The following MYO5A variants were observed in gnomAD, a reference collection of about 807,000 sequenced individuals.
MYO5A encodes myosin VA, also known as unconventional myosin-Va.
MYO5A carries 98 observed loss-of-function variants against 249.7 expected under a neutral mutation model. That is an observed-to-expected ratio of 0.39 (90% CI 0.33 to 0.46). The LOEUF (loss-of-function observed/expected upper bound fraction) is 0.46, where lower values mean the gene tolerates loss of function less well. Ranked by LOEUF, MYO5A falls within the 20% of genes least tolerant of loss-of-function variation. The pLI, the probability that MYO5A is intolerant of heterozygous loss-of-function variation, is 0.98. For missense variants in MYO5A, 1,696 were observed against 2,308.8 expected, an observed-to-expected ratio of 0.73 and a Z score of 5.44; for synonymous variants, 778 against 810.6, an observed-to-expected ratio of 0.96 and a Z score of 0.68.
At chr15:52,354,441 C>A (rs796541207) in intron 25 of MYO5A, among the ~76,000 whole-genome samples, 4 of 152,310 alleles carry the variant, frequency 2.6e-5, no homozygotes, top group African/African-American at 9.6e-5. Flanking sequence ...AAAAGATGTT[C>A]ATTGAAGCAT....
intron 1 of MYO5A, among the ~76,000 whole-genome samples, chr15:52,517,452 A>C (rs1257129772): frequency 6.6e-6 from 1 of 152,180 alleles, no homozygotes; most frequent in African/African-American, 2.4e-5. Flanking sequence ...TGGGAATCTG[A>C]GGTGGGCAGA....
At chr15:52,364,222 G>C (rs1458378737) in intron 24 of MYO5A, among the ~76,000 whole-genome samples, 1 of 151,716 alleles carries the variant, frequency 6.6e-6, no homozygotes, top group Non-Finnish European at 1.5e-5. Context: ...TGGTGACACA[G>C]GGAGACTCCA....
In MYO5A at chr15:52,375,331, G is replaced by A; in HGVS notation, c.2550C>T (p.Gly850=). The A allele has an allele frequency of 1.2e-6, 2 of 1,614,104 alleles. No individual in the cohort carries two copies. Among genetic ancestry groups the A allele is most frequent in the Non-Finnish European group, 1.7e-6 (2 of 1,179,990 alleles). The part of the protein sequence containing the change: ...ATIVLQSYLR[G]FLARNRYRKI... Reference sequence around the variant, plus strand: ...TGCGATACCTATTTCTGGCCAAGAAGCCTCGCAAGTAAGACTGAAGAACGA... The same window carrying A: ...TGCGATACCTATTTCTGGCCAAGAAACCTCGCAAGTAAGACTGAAGAACGA... The change falls in exon 20 of 42, where the codon GGC becomes GGT. Residue 850 remains glycine (G), a synonymous_variant. Transcript: ENST00000399233.
intron 25 of MYO5A, among the ~76,000 whole-genome samples, chr15:52,356,426 GAAT>G (rs1174756092): frequency 7.2e-5 from 11 of 151,966 alleles, no homozygotes; most frequent in African/African-American, 2.7e-4. Flanking sequence ...TAAAGAATTA[GAAT>G]AATAATGTCA....
chr15:52,367,106 C>T lies in MYO5A; in HGVS notation c.3085G>A (p.Glu1029Lys). 6.2e-7 allele frequency: 1 copy of T among 1,613,528 alleles called. No homozygotes were observed. The highest frequency in any genetic ancestry group is 8.5e-7 in the Non-Finnish European group (1 of 1,179,650). ...TCTTGCTTCAGCAAAGTATTTTCTTCCTTCAGATTTGATACCAGCTACGAA... is the reference window on the plus strand; with the variant it reads ...TCTTGCTTCAGCAAAGTATTTTCTTTCTTCAGATTTGATACCAGCTACGAA... Reference protein sequence around the residue: ...ETEQLVSNLKEENTLLKQEKE... With the variant: ...ETEQLVSNLKKENTLLKQEKE... The change falls in exon 23 of 42, where the codon GAA becomes AAA. Residue 1029 changes from glutamate (E) to lysine (K), a missense_variant. Glu to Lys is a moderately conservative substitution (Grantham distance 56). This residue lies in a region of MYO5A where 412 missense variants were observed against 453.3 expected (regional missense o/e 0.91). Coordinates refer to ENST00000399233, the MANE Select transcript of MYO5A (RefSeq NM_001382347.1).
At chr15:52,327,728 A>C in intron 36 of MYO5A, 124 bp downstream of exon 36, 1 of 1,043,434 alleles carries the variant, frequency 9.6e-7, no homozygotes, top group Non-Finnish European at 1.5e-6. Context: ...TAGGTAAGTA[A>C]ATAAAAATTG....
Position 52,404,267 on chromosome 15 carries a change from CAAAAAAAA to C in MYO5A, c.1053+1012_1053+1019del, listed in dbSNP as rs61505096. Among the ~76,000 whole-genome samples, 7 of 87,570 alleles carry C rather than the reference CAAAAAAAA, an allele frequency of 8.0e-5. No individual in the cohort carries two copies. The South Asian group carries it at 1.6e-3, about 20-fold the overall frequency. The allele number at this position is 87,570 out of a possible 152,430, so 57.4% of individuals were successfully genotyped here. On this transcript the variant is annotated intron_variant, in intron 9 of 41. Coordinates refer to ENST00000399233, the MANE Select transcript of MYO5A (RefSeq NM_001382347.1). ...GGGCGACAAGAGTGAAACTCCGTCTCAAAAAAAAAAAAAAAAAAAAAAAGTTATGGAAC... is the reference window on the plus strand; with the variant it reads ...GGGCGACAAGAGTGAAACTCCGTCTCAAAAAAAAAAAAAAAGTTATGGAAC...
At chr15:52,338,224 CTTTT>C (rs561714948) in intron 32 of MYO5A, among the ~76,000 whole-genome samples, 6 of 128,776 alleles carry the variant, frequency 4.7e-5, no homozygotes, top group African/African-American at 8.5e-5. Context: ...ACTTGCTGCA[CTTTT>C]TTTTTTTTTT....
rs767765017 is a variant in MYO5A, at chr15:52,379,887, C to T, written c.2034G>A (p.Val678=). 3 of 1,614,092 alleles carry T rather than the reference C, an allele frequency of 1.9e-6. No homozygotes were observed. Among genetic ancestry groups the T allele is most frequent in the East Asian group, 2.2e-5 (1 of 44,884 alleles). Residue 678 remains valine, a synonymous_variant, in exon 17 of 42, where the codon GTG becomes GTA. Transcript: ENST00000399233. ...FPFTFDEKRA[V]QQLRACGVLE... is the part of the protein sequence containing the mutation. ...GGACACCACATGCTCTCAGCTGCTG[C>T]ACTGCCCTCTTCTCATCAAACCTAC... is the stretch of plus-strand genomic sequence containing the variant.
At chr15:52,338,441 G>C (rs2039226005) in intron 32 of MYO5A, among the ~76,000 whole-genome samples, 1 of 152,120 alleles carries the variant, frequency 6.6e-6, no homozygotes, top group African/African-American at 2.4e-5. Context: ...GTTGGTGGTA[G>C]GTAGGTGGGC....
chr15:52,489,561 T>TAAAA (rs757979547), intron 1 of MYO5A, among the ~76,000 whole-genome samples: 2 of 99,204 alleles, frequency 2.0e-5, no homozygotes, highest in Admixed American at 2.2e-4. Flanking sequence ...AGACTTTGTC[T>TAAAA]AAAAAAAAAA....
chr15:52,351,967 C>G (rs2039976296), intron 27 of MYO5A, among the ~76,000 whole-genome samples: 1 of 152,188 alleles, frequency 6.6e-6, no homozygotes, highest in African/African-American at 2.4e-5. Flanking sequence ...AAATGTTAGG[C>G]TTTTAACTTC....
chr15:52,395,092 C>T lies in MYO5A; in HGVS notation c.1401+1224G>A, dbSNP rs536724308. On this transcript the variant is annotated intron_variant, in intron 11 of 41. Coordinates refer to ENST00000399233, the MANE Select transcript of MYO5A (RefSeq NM_001382347.1). ...GACAAGTAGCAATTCCTTGTCCCAT[C>T]TCTCCCCAACCCCAATCTCGCTCCC... 2.0e-5 allele frequency among the ~76,000 whole-genome samples: 3 copies of T among 152,310 alleles called. No homozygotes were observed. The East Asian group carries it at 5.8e-4, about 29-fold the overall frequency.
At chr15:52,519,707 A>G (rs1385456680) in intron 1 of MYO5A, among the ~76,000 whole-genome samples, 1 of 152,008 alleles carries the variant, frequency 6.6e-6, no homozygotes, top group African/African-American at 2.4e-5. Context: ...ACATGCTATT[A>G]GTAACATTTG....
intron 9 of MYO5A, among the ~76,000 whole-genome samples, chr15:52,399,833 C>G (rs1327014550): frequency 6.6e-6 from 1 of 151,960 alleles, no homozygotes. Flanking sequence ...CTTGTATTCC[C>G]CTGTGTCTAT....
intron 1 of MYO5A, among the ~76,000 whole-genome samples, chr15:52,457,926 A>G (rs891937354): frequency 6.6e-6 from 1 of 152,224 alleles, no homozygotes; most frequent in Non-Finnish European, 1.5e-5. Context: ...TTCGGCCATA[A>G]AAAAGAATAA....
At chr15:52,509,238 T>C (rs1454350654) in intron 1 of MYO5A, among the ~76,000 whole-genome samples, 2 of 152,142 alleles carry the variant, frequency 1.3e-5, no homozygotes, top group African/African-American at 4.8e-5. Flanking sequence ...TCCCAAAGTG[T>C]TGGGATTACA....
chr15:52,474,554 A>G (rs1330511396), intron 1 of MYO5A, among the ~76,000 whole-genome samples: 2 of 152,134 alleles, frequency 1.3e-5, no homozygotes, highest in Non-Finnish European at 2.9e-5. Flanking sequence ...TTATTTTGAG[A>G]TACATCCCAT....
intron 1 of MYO5A, among the ~76,000 whole-genome samples, chr15:52,457,023 C>T (rs1462387280): frequency 6.6e-6 from 1 of 152,128 alleles, no homozygotes; most frequent in Non-Finnish European, 1.5e-5. Flanking sequence ...AAAGAGATAA[C>T]CCACAGAACT....
Sources: allele counts gnomAD v4.1 joint callset (sites outside exome capture counted in the v4.1 genomes callset), GRCh38; gene constraint gnomAD v4.1.1; regional missense constraint gnomAD v4.1.1; transcripts MANE v1.5; gene names NCBI Gene and HGNC (gene_info 2026-07-23, HGNC 2026-07-21).